Variants in MAGI2 observed in about 807,000 individuals in gnomAD.
MAGI2 encodes membrane associated guanylate kinase, WW and PDZ domain containing 2, also known as membrane-associated guanylate kinase, WW and PDZ domain-containing protein 2.
A neutral mutation model predicts 133.3 loss-of-function variants in MAGI2; 35 were observed. The ratio of observed to expected loss-of-function variants is 0.26; its 90% CI spans 0.20 to 0.35. The LOEUF is 0.35. Among genes scored for constraint, MAGI2 ranks in the 10% least tolerant of loss-of-function variants. The pLI is 1.00. For missense variants in MAGI2, 1,636 were observed against 1,863.4 expected, an observed-to-expected ratio of 0.88 and a Z score of 2.25; for synonymous variants, 729 against 710.6, an observed-to-expected ratio of 1.03 and a Z score of -0.41.
intron 2 of MAGI2, among the ~76,000 whole-genome samples, chr7:78,828,732 T>C (rs933783288): frequency 6.6e-6 from 1 of 152,164 alleles, no homozygotes; most frequent in African/African-American, 2.4e-5. Context: ...AGAAAGTAGG[T>C]GAGTGGTGTG....
chr7:78,948,168 T>C (rs1045275702), intron 2 of MAGI2, among the ~76,000 whole-genome samples: 16 of 152,250 alleles, frequency 1.1e-4, no homozygotes, highest in Non-Finnish European at 1.9e-4. Flanking sequence ...TCTGCCATAC[T>C]GCCTTGAAAA....
intron 2 of MAGI2, among the ~76,000 whole-genome samples, chr7:78,810,183 T>TA (rs1788924531): frequency 6.6e-6 from 1 of 152,136 alleles, no homozygotes; most frequent in Non-Finnish European, 1.5e-5. Context: ...ATTTTTTTTT[T>TA]ATATAACTAT....
intron 1 of MAGI2, among the ~76,000 whole-genome samples, chr7:79,129,062 G>A (rs923071885): frequency 1.3e-5 from 2 of 151,888 alleles, no homozygotes; most frequent in African/African-American, 2.4e-5. Flanking sequence ...GCAGAAACGG[G>A]GTTTCACCAT....
At chr7:78,190,786 C>T (rs1217236777) in intron 12 of MAGI2, among the ~76,000 whole-genome samples, 1 of 152,140 alleles carries the variant, frequency 6.6e-6, no homozygotes, top group Admixed American at 6.5e-5. Context: ...AGCATACAAA[C>T]AAGAACATTC....
At chr7:78,088,974 C>T (rs889949413) in intron 20 of MAGI2, among the ~76,000 whole-genome samples, 2 of 152,106 alleles carry the variant, frequency 1.3e-5, no homozygotes, top group African/African-American at 4.8e-5. Flanking sequence ...TCAGAGAGGA[C>T]AGAAGGTGCT....
At chr7:78,083,388 GAGAGA>G (rs1563098807) in intron 20 of MAGI2, among the ~76,000 whole-genome samples, 2 of 9,808 alleles carry the variant, frequency 2.0e-4, no homozygotes, top group African/African-American at 3.1e-4. Flanking sequence ...GGGAGGGGGG[GAGAGA>G]GAGAGAGAGA....
intron 2 of MAGI2, among the ~76,000 whole-genome samples, chr7:78,658,758 A>G (rs186228020): frequency 2.7e-3 from 408 of 152,330 alleles, no homozygotes; most frequent in African/African-American, 9.0e-3. Context: ...TAGTACCACA[A>G]TGAGATATTA....
chr7:79,391,210 A>G (rs1563180102), intron 1 of MAGI2, among the ~76,000 whole-genome samples: 1 of 152,106 alleles, frequency 6.6e-6, no homozygotes, highest in Non-Finnish European at 1.5e-5. Context: ...TTGGAAAATG[A>G]GTAGAAACAA....
intron 3 of MAGI2, chr7:78,614,469 C>T (rs967712381): frequency 2.1e-4 from 32 of 152,118 alleles, no homozygotes; most frequent in Non-Finnish European, 2.2e-4. Flanking sequence ...AGTTGCTTTA[C>T]AAATATGCCA....
chr7:79,387,253 C>T (rs1844256603), intron 1 of MAGI2, among the ~76,000 whole-genome samples: 1 of 151,862 alleles, frequency 6.6e-6, no homozygotes, highest in African/African-American at 2.4e-5. Context: ...GTGGGATTTC[C>T]ATTTGCTTAC....
intron 21 of MAGI2, among the ~76,000 whole-genome samples, chr7:78,051,938 C>G (rs1584949818): frequency 6.8e-6 from 1 of 147,002 alleles, no homozygotes; most frequent in Non-Finnish European, 1.5e-5. Flanking sequence ...GGCTGGAGGG[C>G]AATGGCAGCA....
In MAGI2 at chr7:79,265,621, A is replaced by G. The variant is rs137882528; in HGVS notation, c.301+187399T>C. Among the ~76,000 whole-genome samples, 259 of 152,278 alleles carry G rather than the reference A, an allele frequency of 1.7e-3. 1 individual carries two copies. The highest frequency in any genetic ancestry group is 0.011 in the Admixed American group (172 of 15,280). The stretch of plus-strand genomic sequence containing the variant: ...ATATGTACCATAACAATACAAAACT[A>G]TAGTCTTGAATGTTACGTTTTAAAG... On this transcript the variant is annotated intron_variant, in intron 1 of 21. Coordinates refer to ENST00000354212, the MANE Select transcript of MAGI2 (RefSeq NM_012301.4).
At chr7:78,670,363 A>C (rs1814219664) in intron 2 of MAGI2, among the ~76,000 whole-genome samples, 1 of 152,198 alleles carries the variant, frequency 6.6e-6, no homozygotes, top group Non-Finnish European at 1.5e-5. Context: ...CCAACTTACA[A>C]GGGATGTGAA....
At chr7:78,458,294 C>CAAAAAAAAAAAAAAAAAAAA (rs11380893) in intron 6 of MAGI2, among the ~76,000 whole-genome samples, 6 of 113,084 alleles carry the variant, frequency 5.3e-5, no homozygotes, top group Admixed American at 9.3e-5. Flanking sequence ...AACTCGGTCT[C>CAAAAAAAAAAAAAAAAAAAA]AAAAAAAAAA....
chr7:78,452,842 T>C (rs567363512), intron 6 of MAGI2, among the ~76,000 whole-genome samples: 1 of 152,226 alleles, frequency 6.6e-6, no homozygotes, highest in East Asian at 1.9e-4. Context: ...AACATTCAGA[T>C]GTAAAAAAGT....
rs1371943309 is a variant in MAGI2, at chr7:79,343,437, C to G, written c.301+109583G>C. On this transcript the variant is annotated intron_variant, in intron 1 of 21. Coordinates refer to ENST00000354212, the MANE Select transcript of MAGI2 (RefSeq NM_012301.4). ...CGAATAAAGCTATCTATGTATTTCACAGACACTTTTAGATTTGACACTTTG... is the reference window on the plus strand; with the variant it reads ...CGAATAAAGCTATCTATGTATTTCAGAGACACTTTTAGATTTGACACTTTG... The G allele has an allele frequency of 2.0e-5, 3 of 152,046 alleles. No homozygotes were observed. The East Asian group carries it at 5.8e-4, about 29-fold the overall frequency. The allele number at this position is 152,046 out of a possible 1,614,324, so 9.4% of individuals were successfully genotyped here. A position where few individuals can be genotyped will look rare whatever the true frequency, so the allele number is the denominator to read the frequency against.
At chr7:79,353,323 C>A (rs1018638039) in intron 1 of MAGI2, 8 of 389,822 alleles carry the variant, frequency 2.1e-5, no homozygotes, top group Non-Finnish European at 4.1e-5. Context: ...ATGAGAGGAG[C>A]TGACACTGTC....
At chr7:78,599,274 C>T (rs1804936410) in intron 3 of MAGI2, among the ~76,000 whole-genome samples, 1 of 152,062 alleles carries the variant, frequency 6.6e-6, no homozygotes, top group African/African-American at 2.4e-5. Flanking sequence ...ACATTTTCAC[C>T]TTCATTAAAA....
At chr7:78,830,600 G>A (rs906683945) in intron 2 of MAGI2, among the ~76,000 whole-genome samples, 5 of 151,966 alleles carry the variant, frequency 3.3e-5, no homozygotes, top group Non-Finnish European at 4.4e-5. Context: ...TAGTTTTCCT[G>A]TGATTTTCAG....
Sources: allele counts gnomAD v4.1 joint callset (sites outside exome capture counted in the v4.1 genomes callset), GRCh38; gene constraint gnomAD v4.1.1; transcripts MANE v1.5; gene names NCBI Gene and HGNC (gene_info 2026-07-23, HGNC 2026-07-21).